WNT9B: variants seen among roughly 807,000 people sequenced by gnomAD.
WNT9B encodes the protein protein Wnt-9b.
In WNT9B, 12 loss-of-function variants were observed where a neutral mutation model predicts 30.2. The observed-to-expected ratio is 0.40, with a 90% CI of 0.26 to 0.64. The LOEUF (loss-of-function observed/expected upper bound fraction) is 0.64. Ranked by LOEUF, WNT9B falls within the 30% of genes least tolerant of loss-of-function variation. The pLI is 0.42. For synonymous variants in WNT9B, 218 were observed against 216.9 expected (o/e 1.01, Z -0.05); for missense variants, 442 against 485.2 (o/e 0.91, Z 0.84).
intron 1 of WNT9B, among the ~76,000 whole-genome samples, chr17:46,863,456 G>T (rs2085077165): frequency 6.6e-6 from 1 of 152,220 alleles, no homozygotes; most frequent in Non-Finnish European, 1.5e-5. Flanking sequence ...CAGCTTTGAA[G>T]AGGAAGAAAG....
At chr17:46,839,959 TC>T (rs1160122322) in intron 1 of WNT9B, among the ~76,000 whole-genome samples, 17 of 150,226 alleles carry the variant, frequency 1.1e-4, no homozygotes, top group Non-Finnish European at 2.2e-4. Flanking sequence ...TTTCTTTCTT[TC>T]TTTCTTTCTT....
intron 1 of WNT9B, among the ~76,000 whole-genome samples, chr17:46,861,350 T>C (rs1324201597): frequency 6.6e-6 from 1 of 152,232 alleles, no homozygotes; most frequent in Non-Finnish European, 1.5e-5. Context: ...CAGTGCTCCC[T>C]GGTCTGCAGT....
At chr17:46,883,150 G>GT (rs1452238440), downstream of WNT9B, among the ~76,000 whole-genome samples, 2 of 150,180 alleles carry the variant, frequency 1.3e-5, no homozygotes, top group Non-Finnish European at 3.0e-5. Context: ...GGCTAATTTT[G>GT]TTTTTGTATT....
At chr17:46,845,785 C>CTT (rs34253824) in intron 1 of WNT9B, among the ~76,000 whole-genome samples, 433 of 86,748 alleles carry the variant, frequency 5.0e-3, no homozygotes, top group Non-Finnish European at 7.6e-3. Context: ...ACTGTGCTGG[C>CTT]TTTTTTTTTT....
chr17:46,881,500 A>G (rs999492653), downstream of WNT9B, among the ~76,000 whole-genome samples: 1 of 152,238 alleles, frequency 6.6e-6, no homozygotes, highest in Non-Finnish European at 1.5e-5. Context: ...TAAGTGACTT[A>G]CCAAAGGCTA....
chr17:46,868,595 A>AAAAACAAAACAAAAC (rs57933868), intron 1 of WNT9B, among the ~76,000 whole-genome samples: 28 of 152,116 alleles, frequency 1.8e-4, no homozygotes, highest in African/African-American at 6.3e-4. Context: ...GACTCGATTA[A>AAAAACAAAACAAAAC]AAAACAAAAC....
At chr17:46,847,806 C>G (rs1276025335), upstream of WNT9B, among the ~76,000 whole-genome samples, 1 of 152,196 alleles carries the variant, frequency 6.6e-6, no homozygotes, top group Non-Finnish European at 1.5e-5. Context: ...AGATATGGAG[C>G]CAACCAAAGG....
At position 46,880,149 on chromosome 17, in the gene WNT9B, G is replaced by C. The variant is rs1246190202; in HGVS notation, c.*3431G>C. ...GTCTAATGGACAGGATGCCCCAAGTGCCCCCGTTGCTCATGGATGCCCCTG... is the reference window on the plus strand; with the variant it reads ...GTCTAATGGACAGGATGCCCCAAGTCCCCCCGTTGCTCATGGATGCCCCTG... On this transcript the variant is annotated 3_prime_UTR_variant, in exon 4 of 4. Coordinates refer to ENST00000290015, the MANE Select transcript of WNT9B (RefSeq NM_003396.3). Among the ~76,000 whole-genome samples the C allele has an allele frequency of 2.0e-5, 3 of 152,144 alleles. No homozygotes were observed. Among genetic ancestry groups the C allele is most frequent in the Admixed American group, 6.6e-5 (1 of 15,260 alleles).
intron 1 of WNT9B, among the ~76,000 whole-genome samples, chr17:46,842,983 C>G (rs750302699): frequency 1.3e-5 from 2 of 152,158 alleles, no homozygotes; most frequent in Admixed American, 6.5e-5. Flanking sequence ...TAAGTTAGGA[C>G]CCAGGGTTCT....
Position 46,872,606 on chromosome 17 carries a change from A to G in WNT9B, c.167A>G (p.Asp56Gly). The stretch of plus-strand genomic sequence containing the variant: ...GGCGGGGCCCACCTGAAGCAGTGTG[A>G]CCTGCTGAAGCTGTCCCGGCGGCAG... ...AQGGAHLKQC[D>G]LLKLSRRQKQ... Residue 56 changes from aspartate (D) to glycine (G), a missense_variant, in exon 2 of 4, where the codon GAC (aspartate) becomes GGC (glycine). By Grantham distance (94) the Asp-to-Gly change is moderately conservative. Transcript: ENST00000290015. The G allele has an allele frequency of 6.2e-7, 1 of 1,612,766 alleles. No individual in the cohort carries two copies. Among genetic ancestry groups the G allele is most frequent in the Non-Finnish European group, 8.5e-7 (1 of 1,179,512 alleles).
In WNT9B at chr17:46,876,547, A is replaced by T; in HGVS notation, c.903A>T (p.Ala301=). The part of the protein sequence containing the change: ...CRPSKYSPGT[A]GRVCSREASC... ...CCAGCAAGTACTCACCTGGCACAGCAGGTAGGGTGTGCTCCCGGGAGGCCA... is the reference window on the plus strand; with the variant it reads ...CCAGCAAGTACTCACCTGGCACAGCTGGTAGGGTGTGCTCCCGGGAGGCCA... Residue 301 remains alanine, a synonymous_variant, in exon 4 of 4, where the codon GCA becomes GCT. Transcript: ENST00000290015. 1 of 1,613,668 alleles carries T rather than the reference A, an allele frequency of 6.2e-7. No homozygotes were observed. Among genetic ancestry groups the T allele is most frequent in the Non-Finnish European group, 8.5e-7 (1 of 1,180,022 alleles).
intron 1 of WNT9B, among the ~76,000 whole-genome samples, chr17:46,839,440 C>T (rs979049511): frequency 1.8e-4 from 27 of 152,316 alleles, no homozygotes; most frequent in African/African-American, 6.5e-4. Context: ...TGGTAGCTGC[C>T]ACTGGGCCCC....
intron 1 of WNT9B, among the ~76,000 whole-genome samples, chr17:46,833,993 T>C (rs1443177953): frequency 1.3e-5 from 2 of 152,018 alleles, no homozygotes; most frequent in Non-Finnish European, 2.9e-5. Flanking sequence ...GCCAAGAGTT[T>C]GAGACCAACC....
chr17:46,853,819 A>G (rs2084895413), intron 1 of WNT9B, among the ~76,000 whole-genome samples: 1 of 151,968 alleles, frequency 6.6e-6, no homozygotes, highest in Non-Finnish European at 1.5e-5. Flanking sequence ...CTTGGTTTTT[A>G]TGGTTAGAGA....
intron 1 of WNT9B, among the ~76,000 whole-genome samples, chr17:46,854,743 C>T (rs1027331639): frequency 7.2e-5 from 11 of 152,044 alleles, no homozygotes; most frequent in African/African-American, 1.9e-4. Flanking sequence ...TCACTGCAAC[C>T]GCCACCTCCT....
intron 1 of WNT9B, among the ~76,000 whole-genome samples, chr17:46,852,389 AGTGTGTGTGTGTGTGTGTGTGTGTGTGT>A (rs61138160): frequency 1.0e-4 from 11 of 105,380 alleles, no homozygotes; most frequent in South Asian, 7.8e-4. Flanking sequence ...GAGAGGGCCC[AGTGTGTGTGTGTGTGTGTGTGTGTGTGT>A]GTGTGTGTGT....
Position 46,876,931 on chromosome 17 carries a change from A to C in WNT9B, c.*213A>C. The C allele has an allele frequency of 7.5e-7, 1 of 1,332,590 alleles. No homozygotes were observed. The highest frequency in any genetic ancestry group is 9.6e-7 in the Non-Finnish European group (1 of 1,044,046). 82.5% of individuals were successfully genotyped at this position (1,332,590 alleles called of 1,614,324 possible). ...AAGAGAAGCAAAGCCTCCTCCCTTA[A>C]CCCAAGCATCCCCAACCTTGTTGAG... On this transcript the variant is annotated 3_prime_UTR_variant, in exon 4 of 4. Coordinates refer to ENST00000290015, the MANE Select transcript of WNT9B (RefSeq NM_003396.3).
intron 1 of WNT9B, among the ~76,000 whole-genome samples, chr17:46,842,532 G>T (rs763845885): frequency 6.6e-6 from 1 of 152,080 alleles, no homozygotes; most frequent in African/African-American, 2.4e-5. Flanking sequence ...ATACCACCAT[G>T]CCCAGCTATT....
intron 1 of WNT9B, among the ~76,000 whole-genome samples, chr17:46,853,834 G>A (rs1300928665): frequency 6.6e-6 from 1 of 152,172 alleles, no homozygotes; most frequent in Non-Finnish European, 1.5e-5. Flanking sequence ...TAGAGATGGG[G>A]CAAGAGTCAG....
Sources: allele counts gnomAD v4.1 joint callset (sites outside exome capture counted in the v4.1 genomes callset), GRCh38; gene constraint gnomAD v4.1.1; transcripts MANE v1.5; gene names NCBI Gene and HGNC (gene_info 2026-07-23, HGNC 2026-07-21).